CRISPLD2: variants seen among roughly 807,000 people sequenced by gnomAD.
CRISPLD2 encodes cysteine-rich secretory protein LCCL domain-containing 2.
A neutral mutation model predicts 71.1 loss-of-function variants in CRISPLD2; 47 were observed. The observed-to-expected ratio is 0.66, with a 90% CI of 0.52 to 0.84. CRISPLD2 has a LOEUF of 0.84. Ranked by LOEUF, CRISPLD2 falls within the 40% of genes least tolerant of loss-of-function variation. The pLI, the probability that CRISPLD2 is intolerant of heterozygous loss-of-function variation, is 0.00. For missense variants in CRISPLD2, 830 were observed against 651.1 expected, an observed-to-expected ratio of 1.27 and a Z score of -2.99; for synonymous variants, 317 against 250.1, an observed-to-expected ratio of 1.27 and a Z score of -2.52.
At chr16:84,851,832 C>T (rs1431656643) in intron 5 of CRISPLD2, among the ~76,000 whole-genome samples, 2 of 152,202 alleles carry the variant, frequency 1.3e-5, no homozygotes, top group African/African-American at 2.4e-5. Context: ...TCTGTAGCTG[C>T]CCCCTGCTTC....
rs551467046 is a variant in CRISPLD2, at chr16:84,903,485, G to C, written c.1440-3103G>C. Among the ~76,000 whole-genome samples, 14 of 152,104 alleles carry C rather than the reference G, an allele frequency of 9.2e-5. No homozygotes were observed. In the South Asian group the frequency reaches 1.7e-3, roughly 18 times the overall value. On this transcript the variant is annotated intron_variant, in intron 14 of 14. Transcript: ENST00000262424. ...CGCATGCCTGTAATTCCAGCTAGTT[G>C]AGAGGCTGAGGCAGGAGAATCGCTT...
At chr16:84,902,323 G>T (rs1597488665) in intron 14 of CRISPLD2, among the ~76,000 whole-genome samples, 1 of 151,982 alleles carries the variant, frequency 6.6e-6, no homozygotes, top group East Asian at 2.0e-4. Context: ...TACAAACGAT[G>T]AACAGGCCGG....
At chr16:84,874,530 A>G (rs2071501964) in intron 11 of CRISPLD2, among the ~76,000 whole-genome samples, 1 of 152,202 alleles carries the variant, frequency 6.6e-6, no homozygotes, top group African/African-American at 2.4e-5. Flanking sequence ...AGCTGCCCAC[A>G]CTGTGCCCTT....
Position 84,845,783 on chromosome 16 carries a change from C to A in CRISPLD2, c.241-3C>A, listed in dbSNP as rs1254988784. 1.9e-6 allele frequency: 3 copies of A among 1,605,586 alleles called. No homozygotes were observed. Among genetic ancestry groups the A allele is most frequent in the Admixed American group, 1.7e-5 (1 of 59,666 alleles). ...CTGGTGCCCGTTTCTCCTTCTCCTGCAGACCTGGGATGACGAACTGGAGAA... is the reference window on the plus strand; with the variant it reads ...CTGGTGCCCGTTTCTCCTTCTCCTGAAGACCTGGGATGACGAACTGGAGAA... On this transcript the variant is annotated splice_region_variant and splice_polypyrimidine_tract_variant and intron_variant, in intron 2 of 14. Transcript: ENST00000262424.
rs186686798 is a variant in CRISPLD2, at chr16:84,847,462, C to T, written c.359+1558C>T. On this transcript the variant is annotated intron_variant, in intron 3 of 14. Transcript: ENST00000262424. ...GTCAGGAGTTCAAGACTATCCTGGC[C>T]AACATAGTGAAACCCCGTCTCTACT... 1.0e-3 allele frequency among the ~76,000 whole-genome samples: 155 copies of T among 152,166 alleles called. 1 individual carries two copies. Among genetic ancestry groups the T allele is most frequent in the East Asian group, 4.2e-3 (22 of 5,184 alleles).
Position 84,853,047 on chromosome 16 carries a change from A to G in CRISPLD2, c.609-1682A>G, listed in dbSNP as rs74807055. On this transcript the variant is annotated intron_variant, in intron 5 of 14. Transcript: ENST00000262424. ...ACACCACTGCACTCCAGCCTGGGTG[A>G]CAGAGCAAGACCCTGTCTCAAAAAT... 5.9e-5 allele frequency among the ~76,000 whole-genome samples: 9 copies of G among 152,286 alleles called. No individual in the cohort carries two copies. The East Asian group carries it at 1.7e-3, about 29-fold the overall frequency.
intron 1 of CRISPLD2, among the ~76,000 whole-genome samples, chr16:84,821,572 C>CT (rs1468570026): frequency 2.0e-5 from 3 of 152,194 alleles, no homozygotes; most frequent in Admixed American, 6.5e-5. Flanking sequence ...CCTATCTGCA[C>CT]TCTTGACCCT....
At chr16:84,876,395 G>C in intron 11 of CRISPLD2, among the ~76,000 whole-genome samples, 1 of 151,952 alleles carries the variant, frequency 6.6e-6, no homozygotes, top group East Asian at 1.9e-4. Flanking sequence ...TCAGCTACTT[G>C]GGAGGTTGAG....
At chr16:84,867,894 A>G (rs1392676229) in intron 7 of CRISPLD2, among the ~76,000 whole-genome samples, 2 of 152,100 alleles carry the variant, frequency 1.3e-5, no homozygotes, top group Admixed American at 1.3e-4. Context: ...CCCAGGGTGG[A>G]GTTCAGCTCC....
chr16:84,872,324 A>G lies in CRISPLD2; in HGVS notation c.915-118A>G, dbSNP rs2071477973. On this transcript the variant is annotated intron_variant, in intron 8 of 14. Coordinates refer to ENST00000262424, the MANE Select transcript of CRISPLD2 (RefSeq NM_031476.4). Reference sequence around the variant, plus strand: ...CTTGTCCAAAAACAATGGAATCCACATGAATGAAGCTTTTCTATATTTAGT... The same window carrying G: ...CTTGTCCAAAAACAATGGAATCCACGTGAATGAAGCTTTTCTATATTTAGT... The G allele has an allele frequency of 7.0e-6, 6 of 862,862 alleles. 1 individual carries two copies. 53.5% of individuals were successfully genotyped at this position (862,862 alleles called of 1,614,324 possible). A position where few individuals can be genotyped will look rare whatever the true frequency, so the allele number is the denominator to read the frequency against.
At chr16:84,872,868 G>A (rs1284204670) in intron 9 of CRISPLD2, 124 bp from the exon 10 acceptor site, 1 of 1,233,664 alleles carries the variant, frequency 8.1e-7, no homozygotes, top group African/African-American at 1.5e-5. Context: ...GGCAGGAGCA[G>A]AGTGAGCTTT....
At chr16:84,850,260 T>C (rs1050651123) in intron 4 of CRISPLD2, among the ~76,000 whole-genome samples, 3 of 152,028 alleles carry the variant, frequency 2.0e-5, no homozygotes, top group Non-Finnish European at 4.4e-5. Context: ...CCGGCTAATT[T>C]TTGTTTTTTT....
chr16:84,862,319 C>G (rs140352539), intron 6 of CRISPLD2, among the ~76,000 whole-genome samples: 70 of 152,230 alleles, frequency 4.6e-4, no homozygotes, highest in African/African-American at 1.7e-3. Flanking sequence ...CCTCCCATCT[C>G]AGCCTCCCGA....
intron 13 of CRISPLD2, among the ~76,000 whole-genome samples, chr16:84,886,498 C>G (rs1268168979): frequency 6.6e-6 from 1 of 152,182 alleles, no homozygotes; most frequent in African/African-American, 2.4e-5. Flanking sequence ...TTGGGTGTAG[C>G]TCCCCACTCC....
At chr16:84,838,199 C>T (rs907758838) in intron 1 of CRISPLD2, among the ~76,000 whole-genome samples, 3 of 152,160 alleles carry the variant, frequency 2.0e-5, no homozygotes, top group Non-Finnish European at 2.9e-5. Context: ...TCTAGGTTAT[C>T]CTCTTTGGAA....
At chr16:84,882,371 A>AAAAAAAAAAAAAAAAAAAAAAAAT (rs368239840) in intron 13 of CRISPLD2, among the ~76,000 whole-genome samples, 1 of 114,184 alleles carries the variant, frequency 8.8e-6, no homozygotes, top group African/African-American at 3.7e-5. Context: ...AAAAAAAAAA[A>AAAAAAAAAAAAAAAAAAAAAAAAT]GCAAGAACTT....
chr16:84,854,001 G>A (rs909478125), intron 5 of CRISPLD2, among the ~76,000 whole-genome samples: 1 of 152,204 alleles, frequency 6.6e-6, no homozygotes, highest in Admixed American at 6.5e-5. Context: ...CCTATGGTGC[G>A]GCCTCCAGTT....
chr16:84,872,067 A>G (rs1487994932), intron 8 of CRISPLD2, among the ~76,000 whole-genome samples: 2 of 152,200 alleles, frequency 1.3e-5, no homozygotes, highest in Admixed American at 1.3e-4. Context: ...TGTAACAACT[A>G]TCTACATAGC....
At chr16:84,877,363 C>A in intron 11 of CRISPLD2, 75 bp from the exon 12 acceptor site, 1 of 1,339,828 alleles carries the variant, frequency 7.5e-7, no homozygotes, top group Non-Finnish European at 1.1e-6. Context: ...AGTCTAGTGG[C>A]CCATTGCACA....
Sources: allele counts gnomAD v4.1 joint callset (sites outside exome capture counted in the v4.1 genomes callset), GRCh38; gene constraint gnomAD v4.1.1; transcripts MANE v1.5; gene names NCBI Gene and HGNC (gene_info 2026-07-23, HGNC 2026-07-21).